The following CTNNBL1 variants were observed in gnomAD, a reference collection of about 807,000 sequenced individuals.
The protein encoded by CTNNBL1 is beta-catenin-like protein 1.
Under a neutral mutation model 72.7 loss-of-function variants are expected in CTNNBL1, and 31 were observed. The ratio of observed to expected loss-of-function variants is 0.43; its 90% CI spans 0.32 to 0.58. The LOEUF is 0.58. Ranked by LOEUF, CTNNBL1 falls within the 20% of genes least tolerant of loss-of-function variation. CTNNBL1 has a pLI of 0.08. For missense variants in CTNNBL1, 534 were observed against 725.1 expected (o/e 0.74, Z 3.03); for synonymous variants, 240 against 267.3 (o/e 0.90, Z 1.00).
chr20:37,848,544 G>A (rs945814626), intron 13 of CTNNBL1, among the ~76,000 whole-genome samples: 1 of 152,128 alleles, frequency 6.6e-6, no homozygotes, highest in Non-Finnish European at 1.5e-5. Context: ...ACTTGTGACA[G>A]GGGGCCTGGG....
intron 11 of CTNNBL1, among the ~76,000 whole-genome samples, chr20:37,805,639 C>T (rs546098577): frequency 7.9e-5 from 12 of 152,090 alleles, no homozygotes; most frequent in African/African-American, 1.9e-4. Flanking sequence ...TCAAGTGATC[C>T]GCCCACCTTG....
chr20:37,832,710 C>A (rs187307839), intron 11 of CTNNBL1, among the ~76,000 whole-genome samples: 1 of 152,118 alleles, frequency 6.6e-6, no homozygotes, highest in African/African-American at 2.4e-5. Flanking sequence ...TACTCATAAG[C>A]AGGCCCATCT....
chr20:37,860,256 T>A lies in CTNNBL1; in HGVS notation c.1531-16T>A. 1.2e-6 allele frequency: 2 copies of A among 1,609,936 alleles called. No homozygotes were observed. The highest frequency in any genetic ancestry group is 4.5e-5 in the East Asian group (2 of 44,876). ...ATGGTTGTCTTTCTTTCTCTACCCA[T>A]TTTTTCCCTTATTAGATTCGCCAGA... is the stretch of plus-strand genomic sequence containing the variant. On this transcript the variant is annotated splice_polypyrimidine_tract_variant and intron_variant, in intron 14 of 15. Transcript: ENST00000361383.
At chr20:37,755,627 TC>T (rs1341427334) in intron 4 of CTNNBL1, among the ~76,000 whole-genome samples, 2 of 152,234 alleles carry the variant, frequency 1.3e-5, no homozygotes, top group Non-Finnish European at 1.5e-5. Flanking sequence ...AAGTAATTTT[TC>T]TTTCAGCAAA....
chr20:37,762,398 T>C (rs1056027788), intron 5 of CTNNBL1, among the ~76,000 whole-genome samples: 4 of 152,200 alleles, frequency 2.6e-5, no homozygotes, highest in African/African-American at 9.7e-5. Context: ...TCTTTTTTAT[T>C]TCCTCCTCTT....
At chr20:37,811,068 T>C (rs2072008554) in intron 11 of CTNNBL1, among the ~76,000 whole-genome samples, 1 of 152,186 alleles carries the variant, frequency 6.6e-6, no homozygotes, top group South Asian at 2.1e-4. Flanking sequence ...TCCTCCTCCT[T>C]CTATGTTGGT....
At chr20:37,819,149 T>C (rs2072084612) in intron 11 of CTNNBL1, among the ~76,000 whole-genome samples, 2 of 152,242 alleles carry the variant, frequency 1.3e-5, no homozygotes, top group East Asian at 3.8e-4. Context: ...ATCGCCTTTG[T>C]GTATAAGCAT....
chr20:37,835,962 G>A (rs548373949), intron 11 of CTNNBL1, among the ~76,000 whole-genome samples: 38 of 152,262 alleles, frequency 2.5e-4, no homozygotes, highest in African/African-American at 8.4e-4. Context: ...ATGGGTTCGT[G>A]GAAGGAATAT....
At position 37,746,550 on chromosome 20, in the gene CTNNBL1, C is replaced by G; in HGVS notation, c.409C>G (p.Leu137Val). 1 of 1,614,102 alleles carries G rather than the reference C, an allele frequency of 6.2e-7. No homozygotes were observed. The highest frequency in any genetic ancestry group is 8.5e-7 in the Non-Finnish European group (1 of 1,179,968). ...VATMPDLYHLLVELNAVQSLL... is the reference protein window; with the variant it reads ...VATMPDLYHLVVELNAVQSLL... ...CACCATGCCAGACCTGTACCACCTT[C>G]TGGTGGAGCTGAATGCTGTACAGTC... The change falls in exon 4 of 16, where the codon CTG becomes GTG. Residue 137 changes from leucine (L) to valine (V), a missense_variant. Coordinates refer to ENST00000361383, the MANE Select transcript of CTNNBL1 (RefSeq NM_030877.5).
chr20:37,697,762 C>T (rs1248167618), intron 1 of CTNNBL1, among the ~76,000 whole-genome samples: 2 of 152,140 alleles, frequency 1.3e-5, no homozygotes, highest in South Asian at 2.1e-4. Context: ...ACACATCTTA[C>T]CACATTTAAT....
chr20:37,746,338 T>G, intron 3 of CTNNBL1, 130 bp from the exon 4 acceptor site: 1 of 850,842 alleles, frequency 1.2e-6, no homozygotes, highest in Non-Finnish European at 1.9e-6. Context: ...GATGTTTGGA[T>G]GAGTGTACTT....
intron 13 of CTNNBL1, among the ~76,000 whole-genome samples, chr20:37,850,839 C>T (rs189108018): frequency 5.3e-5 from 8 of 152,292 alleles, no homozygotes; most frequent in African/African-American, 1.2e-4. Context: ...AGTCATGTCC[C>T]GTGTTATTAA....
chr20:37,802,981 C>G lies in CTNNBL1; in HGVS notation c.1146C>G (p.Ile382Met), dbSNP rs986512943. 1 of 1,614,148 alleles carries G rather than the reference C, an allele frequency of 6.2e-7. No homozygotes were observed. ...TTGACATTCTTGGCTTACGAACCAT[C>G]TTTCCCCTCTTTATGAAATCTCCCA... Reference protein sequence around the residue: ...KFVDILGLRTIFPLFMKSPRK... With the variant: ...KFVDILGLRTMFPLFMKSPRK... Residue 382 changes from isoleucine (I) to methionine (M), a missense_variant, in exon 11 of 16, where the codon ATC becomes ATG. Physicochemically the swap from Ile to Met is conservative, Grantham distance 10. Transcript: ENST00000361383.
chr20:37,696,623 T>C (rs2072794980), intron 1 of CTNNBL1, among the ~76,000 whole-genome samples: 1 of 151,168 alleles, frequency 6.6e-6, no homozygotes, highest in African/African-American at 2.4e-5. Flanking sequence ...TTTGTATTTT[T>C]AGTAGAGATG....
chr20:37,855,356 A>G (rs1213610895), intron 13 of CTNNBL1, among the ~76,000 whole-genome samples: 1 of 152,150 alleles, frequency 6.6e-6, no homozygotes, highest in Admixed American at 6.5e-5. Context: ...GGGTTCCCAC[A>G]GCACTCAGTA....
chr20:37,836,301 C>T (rs2072253239), intron 11 of CTNNBL1, among the ~76,000 whole-genome samples: 2 of 152,192 alleles, frequency 1.3e-5, no homozygotes, highest in South Asian at 4.1e-4. Flanking sequence ...AAACTCAGAT[C>T]CAATGCTGTC....
intron 10 of CTNNBL1, among the ~76,000 whole-genome samples, chr20:37,800,769 T>C (rs987765948): frequency 2.6e-5 from 4 of 152,224 alleles, no homozygotes; most frequent in African/African-American, 9.6e-5. Context: ...TGGCCTTTGA[T>C]ACAGCCCATG....
chr20:37,706,005 T>A (rs1181197582), intron 1 of CTNNBL1, among the ~76,000 whole-genome samples: 1 of 152,224 alleles, frequency 6.6e-6, no homozygotes, highest in Non-Finnish European at 1.5e-5. Flanking sequence ...CCAGTGCATA[T>A]TAAAGTTCTG....
intron 15 of CTNNBL1, among the ~76,000 whole-genome samples, chr20:37,865,054 C>G (rs117541178): frequency 6.6e-6 from 1 of 152,058 alleles, no homozygotes; most frequent in South Asian, 2.1e-4. Context: ...CTATGCACAG[C>G]GGTAAGGAAT....
Sources: allele counts gnomAD v4.1 joint callset (sites outside exome capture counted in the v4.1 genomes callset), GRCh38; gene constraint gnomAD v4.1.1; transcripts MANE v1.5; gene names NCBI Gene and HGNC (gene_info 2026-07-23, HGNC 2026-07-21).